Variants in IRAG1 observed in about 807,000 individuals in gnomAD.
The protein encoded by IRAG1 is IP3R-associated cGMP kinase substrate.
IRAG1 carries 62 observed loss-of-function variants against 106.2 expected under a neutral mutation model. That is an observed-to-expected ratio of 0.58 (90% CI 0.48 to 0.72). IRAG1 has a LOEUF of 0.72. Among genes scored for constraint, IRAG1 ranks in the 30% least tolerant of loss-of-function variants. The probability of loss-of-function intolerance (pLI) is 0.00; values close to 1 mark genes in which losing one functional copy is unlikely to be tolerated. For synonymous variants in IRAG1, 462 were observed against 443.9 expected (o/e 1.04, Z -0.51); for missense variants, 1,064 against 1,140.7 (o/e 0.93, Z 0.97).
chr11:10,691,077 A>G (rs1208630584), intron 1 of IRAG1, among the ~76,000 whole-genome samples: 1 of 152,184 alleles, frequency 6.6e-6, no homozygotes, highest in Non-Finnish European at 1.5e-5. Context: ...GTGACCCAGG[A>G]GAGGAGGCAG....
At chr11:10,611,380 A>G (rs1044205569) in intron 10 of IRAG1, among the ~76,000 whole-genome samples, 1 of 152,206 alleles carries the variant, frequency 6.6e-6, no homozygotes, top group Non-Finnish European at 1.5e-5. Context: ...TACCACACTC[A>G]ACAGAGAGTC....
In IRAG1 at chr11:10,647,967, G is replaced by A. The variant is rs552277219; in HGVS notation, c.225+4058C>T. ...TTGTATGGAGGGCAGAACCGAGGGA[G>A]AGTCTTGGGGGAGGCAGATTCCAGC... On this transcript the variant is annotated intron_variant, in intron 2 of 20. Transcript: ENST00000423302. The surrounding 1 kb of genome is among the most constrained non-coding windows in gnomAD (Gnocchi z 4.3). 2.4e-3 allele frequency among the ~76,000 whole-genome samples: 362 copies of A among 152,344 alleles called. 3 individuals are homozygous for A. The highest frequency in any genetic ancestry group is 8.2e-3 in the African/African-American group (342 of 41,582).
At chr11:10,580,428 C>G (rs776936433) in intron 20 of IRAG1, 27 bp downstream of exon 20, 2 of 1,599,870 alleles carry the variant, frequency 1.3e-6, no homozygotes, top group Non-Finnish European at 1.7e-6. Flanking sequence ...TCAGCAACGG[C>G]AAGGACTCCA....
chr11:10,582,307 C>T (rs186522681), intron 18 of IRAG1, among the ~76,000 whole-genome samples: 58 of 152,222 alleles, frequency 3.8e-4, no homozygotes, highest in Non-Finnish European at 1.0e-4. Flanking sequence ...CAGACCAGCA[C>T]GTTTAAGGTC....
chr11:10,630,089 AAAG>A (rs140427914), intron 4 of IRAG1: 6,571 of 168,150 alleles, frequency 0.039, 477 homozygotes, highest in African/African-American at 0.15. Context: ...TTTGTGAATA[AAAG>A]AAGGAGACCA....
chr11:10,670,993 T>C (rs2135106071), intron 1 of IRAG1, among the ~76,000 whole-genome samples: 1 of 152,364 alleles, frequency 6.6e-6, no homozygotes, highest in Non-Finnish European at 1.5e-5. Context: ...ATATAGCTAT[T>C]GATAGAATCT....
At chr11:10,631,860 A>G in intron 4 of IRAG1, 131 bp downstream of exon 4, 1 of 680,082 alleles carries the variant, frequency 1.5e-6, no homozygotes, top group Non-Finnish European at 2.7e-6. Context: ...GGAGGGGCTG[A>G]TCTACCCTGT....
chr11:10,667,414 G>T (rs1341187578), intron 1 of IRAG1, among the ~76,000 whole-genome samples: 1 of 152,196 alleles, frequency 6.6e-6, no homozygotes, highest in African/African-American at 2.4e-5. Flanking sequence ...CAGCCTGCAG[G>T]TCAGCACTGG....
At chr11:10,639,007 C>T (rs563365127) in intron 2 of IRAG1, among the ~76,000 whole-genome samples, 39 of 152,294 alleles carry the variant, frequency 2.6e-4, no homozygotes, top group South Asian at 2.1e-3. Context: ...CTGCAACCTC[C>T]GCCTCCCGGT....
chr11:10,576,537 T>C lies in IRAG1; in HGVS notation c.2534A>G (p.Tyr845Cys), dbSNP rs750000263. 8 of 1,614,030 alleles carry C rather than the reference T, an allele frequency of 5.0e-6. No homozygotes were observed. The highest frequency in any genetic ancestry group is 6.8e-6 in the Non-Finnish European group (8 of 1,179,894). The change falls in exon 21 of 21, where the codon TAT becomes TGT. Residue 845 changes from tyrosine to cysteine, a missense_variant. Coordinates refer to ENST00000423302, the MANE Select transcript of IRAG1 (RefSeq NM_130385.4). ...EELVHFLQVMYPKLCQHWQVI... is the reference protein window; with the variant it reads ...EELVHFLQVMCPKLCQHWQVI... ...TTGCCAGTGCTGACACAGTTTGGGA[T>C]ACATGACTTGTAAGAAATGGACCAA...
chr11:10,589,802 T>C (rs984701329), intron 18 of IRAG1, among the ~76,000 whole-genome samples: 1 of 152,222 alleles, frequency 6.6e-6, no homozygotes, highest in Non-Finnish European at 1.5e-5. Context: ...ATGCCACTAT[T>C]GATCGTCACC....
At chr11:10,631,436 G>A (rs1389521995) in intron 4 of IRAG1, among the ~76,000 whole-genome samples, 2 of 152,204 alleles carry the variant, frequency 1.3e-5, no homozygotes, top group Non-Finnish European at 2.9e-5. Flanking sequence ...TCTCCTCAGA[G>A]AGACTCGGTC....
chr11:10,604,655 C>T (rs545977708), intron 12 of IRAG1, 110 bp from the exon 13 acceptor site: 3 of 1,246,240 alleles, frequency 2.4e-6, no homozygotes, highest in East Asian at 4.7e-5. Context: ...GGAACAGCCG[C>T]CAAAGCACCA....
chr11:10,678,820 C>G (rs1860912520), intron 1 of IRAG1, among the ~76,000 whole-genome samples: 1 of 152,152 alleles, frequency 6.6e-6, no homozygotes, highest in Non-Finnish European at 1.5e-5. Flanking sequence ...ACCAAACAGA[C>G]CAATGTTTAC....
chr11:10,637,878 G>A (rs149635293), intron 2 of IRAG1, among the ~76,000 whole-genome samples: 16 of 152,300 alleles, frequency 1.1e-4, no homozygotes, highest in African/African-American at 3.8e-4. Context: ...GGGGCAGCAG[G>A]CAGGGCCAGG....
chr11:10,659,981 C>T lies in IRAG1; in HGVS notation c.68-7799G>A, dbSNP rs1009406027. Reference sequence around the variant, plus strand: ...TGGGTCTGTGAGATCCCATAAAGGGCAGGGCACCGAGGGGTCTCCAGGAAG... The same window carrying T: ...TGGGTCTGTGAGATCCCATAAAGGGTAGGGCACCGAGGGGTCTCCAGGAAG... On this transcript the variant is annotated intron_variant, in intron 1 of 20. Transcript: ENST00000423302. The surrounding 1 kb of genome is among the most constrained non-coding windows in gnomAD (Gnocchi z 4.1). Among the ~76,000 whole-genome samples, 2 of 152,180 alleles carry T rather than the reference C, an allele frequency of 1.3e-5. No individual in the cohort carries two copies. Among genetic ancestry groups the T allele is most frequent in the Non-Finnish European group, 2.9e-5 (2 of 68,044 alleles).
intron 14 of IRAG1, among the ~76,000 whole-genome samples, chr11:10,601,504 A>G (rs1207550976): frequency 1.3e-5 from 2 of 152,186 alleles, no homozygotes; most frequent in Non-Finnish European, 2.9e-5. Context: ...AGTCCTCTGG[A>G]GAGTGAAGAA....
chr11:10,632,246 C>T (rs190983467), intron 3 of IRAG1, among the ~76,000 whole-genome samples, 185 bp from the exon 4 acceptor site: 97 of 146,700 alleles, frequency 6.6e-4, no homozygotes, highest in African/African-American at 2.4e-3. Flanking sequence ...AGTGCAGTGG[C>T]GCAATCTCAG....
chr11:10,675,941 G>C (rs1219633620), intron 1 of IRAG1, among the ~76,000 whole-genome samples: 1 of 152,222 alleles, frequency 6.6e-6, no homozygotes, highest in East Asian at 1.9e-4. Flanking sequence ...GGACAGGAGT[G>C]AGGCAAGGAA....
Sources: allele counts gnomAD v4.1 joint callset (sites outside exome capture counted in the v4.1 genomes callset), GRCh38; gene constraint gnomAD v4.1.1; non-coding constraint Gnocchi (gnomAD v3.1); transcripts MANE v1.5; gene names NCBI Gene and HGNC (gene_info 2026-07-23, HGNC 2026-07-21).